The following LY75 variants were observed in gnomAD, a reference collection of about 807,000 sequenced individuals.
LY75 encodes the protein lymphocyte antigen 75, also known as C-type lectin domain family 13 member B.
A neutral mutation model predicts 231.7 loss-of-function variants in LY75; 185 were observed. The observed-to-expected ratio is 0.80, with a 90% CI of 0.71 to 0.90. The LOEUF is 0.90. LY75 is among the 40% of genes least tolerant of loss of function. The pLI, the probability that LY75 is intolerant of heterozygous loss-of-function variation, is 0.00. For synonymous variants in LY75, 668 were observed against 689.0 expected (o/e 0.97, Z 0.48); for missense variants, 1,947 against 2,050.2 (o/e 0.95, Z 0.97).
chr2:159,806,403 G>A (rs1229760621), intron 34 of LY75, among the ~76,000 whole-genome samples: 6 of 152,112 alleles, frequency 3.9e-5, no homozygotes, highest in Non-Finnish European at 8.8e-5. Context: ...TTTTATGCAA[G>A]ATCTTTAAAA....
At position 159,904,644 on chromosome 2, in the gene LY75, C is replaced by A; in HGVS notation, c.39G>T (p.Gly13=). 4 of 1,494,966 alleles carry A rather than the reference C, an allele frequency of 2.7e-6. No homozygotes were observed. The highest frequency in any genetic ancestry group is 2.9e-5 in the East Asian group (1 of 34,732). The allele number at this position is 1,494,966 out of a possible 1,614,324, so 92.6% of individuals were successfully genotyped here. A position where few individuals can be genotyped will look rare whatever the true frequency, so the allele number is the denominator to read the frequency against. ...TGWATPRRPA[G]LLMLLFWFFD... is the part of the protein sequence containing the mutation. The stretch of plus-strand genomic sequence containing the variant: ...AGAACCAGAAGAGCAGCATGAGGAG[C>A]CCCGCCGGGCGGCGAGGGGTCGCCC... The change falls in exon 1 of 35, where the codon GGG becomes GGT. Residue 13 remains glycine (G), a synonymous_variant. Transcript: ENST00000263636.
chr2:159,808,723 A>G (rs892262763), intron 32 of LY75, 152 bp from the exon 33 acceptor site: 22 of 1,169,356 alleles, frequency 1.9e-5, no homozygotes, highest in Non-Finnish European at 2.4e-5. Flanking sequence ...ACTGGTATTT[A>G]GGTCAAAATT....
At chr2:159,896,028 G>C (rs933483818) in intron 2 of LY75, among the ~76,000 whole-genome samples, 4 of 152,174 alleles carry the variant, frequency 2.6e-5, no homozygotes, top group Non-Finnish European at 4.4e-5. Context: ...ACAAATTTGT[G>C]AGATGAGGTG....
chr2:159,825,524 G>C (rs1328667410), intron 28 of LY75, among the ~76,000 whole-genome samples: 2 of 152,156 alleles, frequency 1.3e-5, no homozygotes, highest in South Asian at 4.1e-4. Flanking sequence ...AATTCTACCA[G>C]AGGTACAAAG....
intron 5 of LY75, among the ~76,000 whole-genome samples, 192 bp from the exon 6 acceptor site, chr2:159,885,485 A>G (rs1319098539): frequency 2.0e-5 from 3 of 152,210 alleles, no homozygotes; most frequent in Non-Finnish European, 4.4e-5. Context: ...TCTAAAATAT[A>G]GAATCTAAAG....
At chr2:159,861,739 C>T (rs944170625) in intron 14 of LY75, among the ~76,000 whole-genome samples, 4 of 152,018 alleles carry the variant, frequency 2.6e-5, no homozygotes, top group African/African-American at 9.7e-5. Flanking sequence ...CTCTGTCATC[C>T]CCACCTAGTC....
chr2:159,816,299 G>A lies in LY75; in HGVS notation c.4380+507C>T, dbSNP rs1218701118. On this transcript the variant is annotated intron_variant, in intron 30 of 34. Coordinates refer to ENST00000263636, the MANE Select transcript of LY75 (RefSeq NM_002349.4). ...TCCTAAGTAGTATAATTTTCTAGAG[G>A]AAAAGTGGGAAGAAGGTATACGTTT... Among the ~76,000 whole-genome samples, 10 of 152,278 alleles carry A rather than the reference G, an allele frequency of 6.6e-5. No individual in the cohort carries two copies. In the East Asian group the frequency reaches 1.5e-3, roughly 23 times the overall value.
chr2:159,854,945 T>C lies in LY75; in HGVS notation c.2384-6A>G, dbSNP rs777296195. The C allele has an allele frequency of 1.2e-6, 2 of 1,613,778 alleles. No homozygotes were observed. The highest frequency in any genetic ancestry group is 1.7e-6 in the Non-Finnish European group (2 of 1,179,836). On this transcript the variant is annotated splice_region_variant and splice_polypyrimidine_tract_variant and intron_variant, in intron 16 of 34. Coordinates refer to ENST00000263636, the MANE Select transcript of LY75 (RefSeq NM_002349.4). ...TGGTGTTTTTGGAGTACGGCCTGTA[T>C]GAGGAAGAAAGCAAGTGGCATTAGT... is the stretch of plus-strand genomic sequence containing the variant.
intron 14 of LY75, among the ~76,000 whole-genome samples, chr2:159,861,575 C>A (rs955918403): frequency 6.6e-6 from 1 of 151,734 alleles, no homozygotes; most frequent in Non-Finnish European, 1.5e-5. Flanking sequence ...TGGTGAAACC[C>A]CATCTCTACA....
chr2:159,890,311 T>C lies in LY75; in HGVS notation c.704A>G (p.Gln235Arg), dbSNP rs759920858. The change falls in exon 4 of 35, where the codon CAG becomes CGG. Residue 235 changes from glutamine to arginine, a missense_variant. Transcript: ENST00000263636. Reference sequence around the variant, plus strand: ...AGCTTCTTTCCAAGAAAGAGCCGTCTGAGTATTAAATTGGTAGCAACTTCC... The same window carrying C: ...AGCTTCTTTCCAAGAAAGAGCCGTCCGAGTATTAAATTGGTAGCAACTTCC... ...QFGSCYQFNTQTALSWKEAYV... is the reference protein window; with the variant it reads ...QFGSCYQFNTRTALSWKEAYV... The C allele has an allele frequency of 6.2e-7, 1 of 1,613,558 alleles. No homozygotes were observed. The highest frequency in any genetic ancestry group is 1.1e-5 in the South Asian group (1 of 91,086).
intron 7 of LY75, 89 bp downstream of exon 7, chr2:159,882,033 CTG>C: frequency 6.9e-7 from 1 of 1,447,558 alleles, no homozygotes; most frequent in Non-Finnish European, 9.3e-7. Flanking sequence ...TGGGATCAAA[CTG>C]TAAGCTTTTC....
intron 9 of LY75, 133 bp downstream of exon 9, chr2:159,879,126 G>C: frequency 9.6e-7 from 1 of 1,038,210 alleles, no homozygotes; most frequent in Non-Finnish European, 1.4e-6. Context: ...CTTCTGGCTT[G>C]TTCTAACTTA....
At chr2:159,861,209 G>A (rs1684690787) in intron 14 of LY75, among the ~76,000 whole-genome samples, 1 of 152,050 alleles carries the variant, frequency 6.6e-6, no homozygotes, top group Non-Finnish European at 1.5e-5. Context: ...CTCATTATTT[G>A]ATTAACTAAT....
intron 2 of LY75, among the ~76,000 whole-genome samples, chr2:159,894,546 G>A (rs1229351442): frequency 6.6e-6 from 1 of 152,200 alleles, no homozygotes; most frequent in Non-Finnish European, 1.5e-5. Context: ...ACTGAGGGTG[G>A]GTGTGGACTT....
At chr2:159,873,574 C>A (rs1351934782) in intron 12 of LY75, among the ~76,000 whole-genome samples, 1 of 152,136 alleles carries the variant, frequency 6.6e-6, no homozygotes, top group Non-Finnish European at 1.5e-5. Flanking sequence ...ATCAGTCAAA[C>A]TCTAGCTGGC....
chr2:159,810,379 C>G, intron 32 of LY75, 147 bp downstream of exon 32: 1 of 1,103,598 alleles, frequency 9.1e-7, no homozygotes. Context: ...ATTTCCCTAC[C>G]ACTGGGCAAT....
chr2:159,901,808 T>C (rs888980715), intron 1 of LY75, among the ~76,000 whole-genome samples: 8 of 152,244 alleles, frequency 5.3e-5, no homozygotes, highest in African/African-American at 4.8e-5. Context: ...GGTCACTTAG[T>C]ACAGATCTTA....
chr2:159,879,231 A>C (rs752836600), intron 9 of LY75, 28 bp downstream of exon 9: 1 of 1,602,862 alleles, frequency 6.2e-7, no homozygotes, highest in Non-Finnish European at 8.5e-7. Flanking sequence ...ATACTGCTTG[A>C]GAAAATTTAC....
chr2:159,841,316 A>G (rs1037703187), intron 24 of LY75, among the ~76,000 whole-genome samples: 1 of 152,170 alleles, frequency 6.6e-6, no homozygotes. Context: ...CACCTGGGAG[A>G]GCTAGCATGA....
Sources: allele counts gnomAD v4.1 joint callset (sites outside exome capture counted in the v4.1 genomes callset), GRCh38; gene constraint gnomAD v4.1.1; transcripts MANE v1.5; gene names NCBI Gene and HGNC (gene_info 2026-07-23, HGNC 2026-07-21).